The following N4BP2L1 variants were observed in gnomAD, a reference collection of about 807,000 sequenced individuals.
N4BP2L1 encodes the protein NEDD4 binding protein 2 like 1, also known as NEDD4-binding protein 2-like 1.
In N4BP2L1, 12 loss-of-function variants were observed where a neutral mutation model predicts 21.2. That is an observed-to-expected ratio of 0.57 (90% CI 0.36 to 0.92). The LOEUF (loss-of-function observed/expected upper bound fraction) is 0.92. Among genes scored for constraint, N4BP2L1 ranks in the 40% least tolerant of loss-of-function variants. N4BP2L1 has a pLI of 0.01. For synonymous variants in N4BP2L1, 104 were observed against 112.8 expected (o/e 0.92, Z 0.49); for missense variants, 259 against 310.6 (o/e 0.83, Z 1.25).
rs762905525 is a variant in N4BP2L1 at position 32,403,150 on chromosome 13, C to T, written c.524G>A (p.Arg175Gln). 5.0e-6 allele frequency: 8 copies of T among 1,610,918 alleles called. No homozygotes were observed. Among genetic ancestry groups the T allele is most frequent in the South Asian group, 2.2e-5 (2 of 90,340 alleles). The change falls in exon 5 of 5, where the codon CGG becomes CAG. Residue 175 changes from arginine to glutamine, a missense_variant. This residue lies in a region of N4BP2L1 where 108 missense variants were observed against 107.8 expected (regional missense o/e 1.00). Coordinates refer to ENST00000380130, the MANE Select transcript of N4BP2L1 (RefSeq NM_052818.3). The stretch of plus-strand genomic sequence containing the variant: ...GTGAAAAGTAACATCGTGTTCATAC[C>T]GTTCTTTCATTCGGTGGATTTTTTC... Reference protein sequence around the residue: ...SREKIHRMKERYEHDVTFHSV... With the variant: ...SREKIHRMKEQYEHDVTFHSV...
intron 1 of N4BP2L1, among the ~76,000 whole-genome samples, chr13:32,417,263 T>C (rs565677368): frequency 7.9e-5 from 12 of 152,326 alleles, no homozygotes; most frequent in Non-Finnish European, 1.2e-4. Flanking sequence ...TAATTGTAGT[T>C]CCCATAATCC....
At chr13:32,422,169 A>G (rs1056649967) in intron 1 of N4BP2L1, among the ~76,000 whole-genome samples, 2 of 143,860 alleles carry the variant, frequency 1.4e-5, no homozygotes, top group East Asian at 4.1e-4. Flanking sequence ...TATTTTTTAT[A>G]TTATGAGAAA....
chr13:32,412,549 C>T (rs1372161747), intron 1 of N4BP2L1, among the ~76,000 whole-genome samples: 3 of 151,732 alleles, frequency 2.0e-5, no homozygotes, highest in African/African-American at 4.8e-5. Context: ...ATCACTTGAA[C>T]CCAGGAGGCA....
Position 32,403,164 on chromosome 13 carries a change from G to A in N4BP2L1, c.510C>T (p.His170=), listed in dbSNP as rs754096137. ...CGTGTTCATACCGTTCTTTCATTCG[G>A]TGGATTTTTTCTCTTGAGACACCAT... is the stretch of plus-strand genomic sequence containing the variant. ...NIHGVSREKI[H]RMKERYEHDV... is the part of the protein sequence containing the mutation. Residue 170 remains histidine, a synonymous_variant, in exon 5 of 5, where the codon CAC becomes CAT. Coordinates refer to ENST00000380130, the MANE Select transcript of N4BP2L1 (RefSeq NM_052818.3). 3.1e-6 allele frequency: 5 copies of A among 1,608,954 alleles called. No individual in the cohort carries two copies. Among genetic ancestry groups the A allele is most frequent in the Non-Finnish European group, 3.4e-6 (4 of 1,177,366 alleles).
At chr13:32,404,076 T>C in intron 4 of N4BP2L1, 1 of 1,328,218 alleles carries the variant, frequency 7.5e-7, no homozygotes, top group South Asian at 1.4e-5. Context: ...TAGCAGAATG[T>C]TAAATGCATC....
At chr13:32,428,968 G>C (rs1160242250), upstream of N4BP2L1, among the ~76,000 whole-genome samples, 1 of 152,220 alleles carries the variant, frequency 6.6e-6, no homozygotes, top group East Asian at 1.9e-4. Flanking sequence ...TCAAGAGCGT[G>C]ACAGAGTGAT....
Position 32,407,642 on chromosome 13 carries a change from C to T in N4BP2L1, c.307+3G>A. On this transcript the variant is annotated splice_donor_region_variant and intron_variant, in intron 2 of 4. Coordinates refer to ENST00000380130, the MANE Select transcript of N4BP2L1 (RefSeq NM_052818.3). ...CCCAGGAGTTTGGGAAGGAATTTGT[C>T]ACCTCTTTTTTGGTTCCATTCATGA... is the stretch of plus-strand genomic sequence containing the variant. 1 of 1,612,946 alleles carries T rather than the reference C, an allele frequency of 6.2e-7. No individual in the cohort carries two copies. Among genetic ancestry groups the T allele is most frequent in the Non-Finnish European group, 8.5e-7 (1 of 1,180,002 alleles).
rs1451261145 is a variant in N4BP2L1, at chr13:32,425,767, A to G, written c.179+2137T>C. 5 of 152,100 alleles carry G rather than the reference A, an allele frequency of 3.3e-5. No homozygotes were observed. The East Asian group carries it at 7.7e-4, about 23-fold the overall frequency. 9.4% of individuals were successfully genotyped at this position (152,100 alleles called of 1,614,324 possible). A position where few individuals can be genotyped will look rare whatever the true frequency, so the allele number is the denominator to read the frequency against. ...TTAGCAAACTATTTTTAATCTGACCACTGGAAATTAAGAGTCAGAAGGATC... is the reference window on the plus strand; with the variant it reads ...TTAGCAAACTATTTTTAATCTGACCGCTGGAAATTAAGAGTCAGAAGGATC... On this transcript the variant is annotated intron_variant, in intron 1 of 4. Coordinates refer to ENST00000380130, the MANE Select transcript of N4BP2L1 (RefSeq NM_052818.3).
chr13:32,423,220 A>G (rs1415058718), intron 1 of N4BP2L1, among the ~76,000 whole-genome samples: 3 of 152,234 alleles, frequency 2.0e-5, no homozygotes, highest in Non-Finnish European at 4.4e-5. Flanking sequence ...TCTATAATGA[A>G]AAGAAATAAT....
In N4BP2L1 at chr13:32,420,054, A is replaced by G. The variant is rs7333017; in HGVS notation, c.179+7850T>C. On this transcript the variant is annotated intron_variant, in intron 1 of 4. Transcript: ENST00000380130. ...GTCCTTGGAGAGCCAAGCCTCAATCACTGCTAGCCTCAAGTGTCCCCAAGC... is the reference window on the plus strand; with the variant it reads ...GTCCTTGGAGAGCCAAGCCTCAATCGCTGCTAGCCTCAAGTGTCCCCAAGC... 1.9e-3 allele frequency among the ~76,000 whole-genome samples: 282 copies of G among 152,302 alleles called. 1 individual carries two copies. Among genetic ancestry groups the G allele is most frequent in the Middle Eastern group, 0.01 (3 of 294 alleles).
chr13:32,413,857 A>ACAC (rs1277824451), intron 1 of N4BP2L1, among the ~76,000 whole-genome samples: 1 of 149,946 alleles, frequency 6.7e-6, no homozygotes, highest in Non-Finnish European at 1.5e-5. Context: ...CATGTAGAGT[A>ACAC]CACCAAGTTT....
At position 32,423,262 on chromosome 13, in the gene N4BP2L1, T is replaced by C. The variant is rs374675269; in HGVS notation, c.179+4642A>G. Among the ~76,000 whole-genome samples, 34 of 152,326 alleles carry C rather than the reference T, an allele frequency of 2.2e-4. No homozygotes were observed. In the East Asian group the frequency reaches 5.8e-3, roughly 26 times the overall value. ...GTACTTCTCATGATGGAAAATTCCA[T>C]GTTATCCAGAGATATGAATAAGGAG... On this transcript the variant is annotated intron_variant, in intron 1 of 4. Coordinates refer to ENST00000380130, the MANE Select transcript of N4BP2L1 (RefSeq NM_052818.3).
intron 1 of N4BP2L1, among the ~76,000 whole-genome samples, chr13:32,424,757 A>G (rs560964685): frequency 1.3e-5 from 2 of 152,236 alleles, no homozygotes; most frequent in Non-Finnish European, 2.9e-5. Context: ...CTAATTTGTC[A>G]GTACTTTGAT....
intron 1 of N4BP2L1, among the ~76,000 whole-genome samples, chr13:32,416,941 C>T (rs1233004058): frequency 1.3e-5 from 2 of 152,042 alleles, no homozygotes; most frequent in Non-Finnish European, 2.9e-5. Context: ...CTCAGCCTCC[C>T]GAGTAGCTGG....
intron 1 of N4BP2L1, among the ~76,000 whole-genome samples, chr13:32,422,994 A>AAC (rs1387264519): frequency 2.7e-5 from 4 of 149,376 alleles, no homozygotes; most frequent in Admixed American, 6.8e-5. Flanking sequence ...CTCATAAAGA[A>AAC]ACACACCACA....
At chr13:32,406,201 A>G (rs538289195) in intron 3 of N4BP2L1, among the ~76,000 whole-genome samples, 6 of 150,782 alleles carry the variant, frequency 4.0e-5, no homozygotes, top group South Asian at 2.1e-4. Context: ...GAGCCACCGC[A>G]CCCGGCCTTC....
intron 1 of N4BP2L1, among the ~76,000 whole-genome samples, chr13:32,426,461 C>A (rs1424540830): frequency 6.6e-6 from 1 of 152,156 alleles, no homozygotes. Flanking sequence ...TGAAATGTGT[C>A]CCTGGTTTAG....
At chr13:32,405,195 T>C (rs987905897) in intron 3 of N4BP2L1, among the ~76,000 whole-genome samples, 4 of 152,098 alleles carry the variant, frequency 2.6e-5, no homozygotes, top group Non-Finnish European at 4.4e-5. Context: ...CTGAAAAAGA[T>C]TATACATATC....
intron 1 of N4BP2L1, among the ~76,000 whole-genome samples, chr13:32,410,637 CAGG>C (rs2073807935): frequency 6.6e-6 from 1 of 152,262 alleles, no homozygotes; most frequent in African/African-American, 2.4e-5. Context: ...ATTATACAGA[CAGG>C]ACAAAAATCT....
Sources: gnomAD v4.1 joint callset for allele counts (sites outside exome capture counted in the v4.1 genomes callset) on GRCh38, gnomAD v4.1.1 for gene constraint, gnomAD v4.1.1 regional missense constraint, MANE v1.5 for transcripts, NCBI Gene and HGNC (gene_info 2026-07-23, HGNC 2026-07-21) for gene names.